The following SEL1L variants were observed in gnomAD, a reference collection of about 807,000 sequenced individuals.
SEL1L encodes the protein protein sel-1 homolog 1.
A neutral mutation model predicts 109.8 loss-of-function variants in SEL1L; 52 were observed. That is an observed-to-expected ratio of 0.47 (90% confidence interval 0.38 to 0.60). SEL1L has a LOEUF of 0.60. Among genes scored for constraint, SEL1L ranks in the 20% least tolerant of loss-of-function variants. The pLI is 0.00. For synonymous variants in SEL1L, 373 were observed against 339.6 expected, an observed-to-expected ratio of 1.10 and a Z score of -1.08; for missense variants, 749 against 962.2, an observed-to-expected ratio of 0.78 and a Z score of 2.93.
chr14:81,533,803 G>A lies in SEL1L; in HGVS notation c.-59C>T, dbSNP rs1374687257. 2.0e-6 allele frequency: 3 copies of A among 1,534,014 alleles called. No individual in the cohort carries two copies. Among genetic ancestry groups the A allele is most frequent in the African/African-American group, 1.4e-5 (1 of 73,386 alleles). On this transcript the variant is annotated 5_prime_UTR_variant, in exon 1 of 21. Transcript: ENST00000336735. ...TGTCGCCTTCGCCTCTGCCACCACG[G>A]ACTCAGCCACCACCGCCGCCTCGCC...
chr14:81,521,519 G>A (rs1207739192), intron 3 of SEL1L, among the ~76,000 whole-genome samples: 1 of 152,226 alleles, frequency 6.6e-6, no homozygotes, highest in Non-Finnish European at 1.5e-5. Context: ...ATGACAGACT[G>A]TGTATACCAT....
intron 1 of SEL1L, among the ~76,000 whole-genome samples, chr14:81,532,694 T>C (rs1195091890): frequency 6.6e-6 from 1 of 152,106 alleles, no homozygotes; most frequent in African/African-American, 2.4e-5. Context: ...GGGATTCAGA[T>C]AACCATCTGG....
intron 6 of SEL1L, among the ~76,000 whole-genome samples, chr14:81,500,477 C>T (rs943537574): frequency 2.0e-5 from 3 of 152,100 alleles, no homozygotes; most frequent in Non-Finnish European, 4.4e-5. Context: ...ACCTTGTGAT[C>T]TGCCTGCCTT....
Position 81,472,362 on chromosome 14 carries a change from C to T in SEL1L, c.*4610G>A, listed in dbSNP as rs41317312. The stretch of plus-strand genomic sequence containing the variant: ...GTTTGCATCATGTAGGCTTTTTATC[C>T]AAGATCCAATGCTTCTGAGCTGGAA... On this transcript the variant is annotated 3_prime_UTR_variant, in exon 21 of 21. Transcript: ENST00000336735. 3,008 of 206,712 alleles carry T rather than the reference C, an allele frequency of 0.015. 36 individuals are homozygous for T. Among genetic ancestry groups the T allele is most frequent in the Non-Finnish European group, 0.022 (2,231 of 100,648 alleles). 12.8% of individuals were successfully genotyped at this position (206,712 alleles called of 1,614,324 possible). A position where few individuals can be genotyped will look rare whatever the true frequency, so the allele number is the denominator to read the frequency against.
intron 20 of SEL1L, chr14:81,479,381 G>A (rs1196490784): frequency 3.2e-6 from 1 of 310,260 alleles, no homozygotes; most frequent in African/African-American, 2.2e-5. Context: ...CATGAAAAAT[G>A]CTTTAGCGTC....
chr14:81,479,818 T>G, intron 19 of SEL1L, 78 bp from the exon 20 acceptor site: 1 of 1,266,344 alleles, frequency 7.9e-7, no homozygotes, highest in Non-Finnish European at 1.1e-6. Flanking sequence ...TTAGACGAAT[T>G]TATTTTACCT....
intron 3 of SEL1L, among the ~76,000 whole-genome samples, chr14:81,515,376 C>T (rs1468716187): frequency 6.6e-6 from 1 of 152,232 alleles, no homozygotes; most frequent in Non-Finnish European, 1.5e-5. Flanking sequence ...AGATCAAACC[C>T]TGGCCTTTAA....
At chr14:81,485,648 C>T (rs780800100) in intron 18 of SEL1L, 24 bp downstream of exon 18, 1 of 1,601,566 alleles carries the variant, frequency 6.2e-7, no homozygotes, top group South Asian at 1.1e-5. Flanking sequence ...GGGTGAAACT[C>T]TTATCTTAGA....
chr14:81,526,637 A>G (rs1180266054), intron 3 of SEL1L, 96 bp downstream of exon 3: 1 of 871,616 alleles, frequency 1.1e-6, no homozygotes. Context: ...GGTAATAATC[A>G]GTGAAGCCAG....
At chr14:81,524,329 C>T (rs1885031067) in intron 3 of SEL1L, among the ~76,000 whole-genome samples, 1 of 152,164 alleles carries the variant, frequency 6.6e-6, no homozygotes, top group Non-Finnish European at 1.5e-5. Context: ...AAATCAGACA[C>T]TACATGTCTC....
chr14:81,533,093 AACTCAGAAAC>A (rs1885397703), intron 1 of SEL1L, among the ~76,000 whole-genome samples: 1 of 152,218 alleles, frequency 6.6e-6, no homozygotes, highest in South Asian at 2.1e-4. Context: ...AACATGGGGC[AACTCAGAAAC>A]ACTGTGACAG....
chr14:81,515,118 G>A (rs533038303), intron 3 of SEL1L, among the ~76,000 whole-genome samples: 8 of 152,180 alleles, frequency 5.3e-5, no homozygotes, highest in African/African-American at 1.9e-4. Context: ...CCCCTGCCCA[G>A]AAGGAAACAA....
At chr14:81,482,058 T>C (rs1338232545) in intron 19 of SEL1L, among the ~76,000 whole-genome samples, 1 of 151,998 alleles carries the variant, frequency 6.6e-6, no homozygotes, top group African/African-American at 2.4e-5. Flanking sequence ...GTAATGGAGT[T>C]ACTGATTTTC....
intron 20 of SEL1L, among the ~76,000 whole-genome samples, chr14:81,477,395 GCTA>G (rs1903198651): frequency 6.6e-6 from 1 of 151,714 alleles, no homozygotes; most frequent in East Asian, 1.9e-4. Context: ...GAGGAATTAA[GCTA>G]CTAATTTATA....
chr14:81,508,320 G>C (rs528151605), intron 3 of SEL1L, among the ~76,000 whole-genome samples: 3 of 152,182 alleles, frequency 2.0e-5, no homozygotes, highest in African/African-American at 7.2e-5. Context: ...TTTAAAGAAA[G>C]GATCTCTAAT....
rs1320127919 is a variant in SEL1L, at chr14:81,495,071, G to C, written c.1185+10C>G. 6.2e-7 allele frequency: 1 copy of C among 1,612,970 alleles called. No individual in the cohort carries two copies. Among genetic ancestry groups the C allele is most frequent in the African/African-American group, 1.3e-5 (1 of 74,882 alleles). On this transcript the variant is annotated intron_variant, in intron 11 of 20. Transcript: ENST00000336735. ...ACTGAGATGCAAAGCCCTAGGAACA[G>C]GGTAGTTACCTGATGATTCTGTTCT...
intron 3 of SEL1L, among the ~76,000 whole-genome samples, chr14:81,524,022 G>C (rs1254344768): frequency 2.6e-5 from 4 of 152,166 alleles, no homozygotes; most frequent in Non-Finnish European, 1.5e-5. Flanking sequence ...TTTCACAACA[G>C]TGCAAAGGAA....
At chr14:81,480,328 T>A (rs976421673) in intron 19 of SEL1L, among the ~76,000 whole-genome samples, 2 of 152,172 alleles carry the variant, frequency 1.3e-5, no homozygotes, top group African/African-American at 4.8e-5. Context: ...TAGCTGGGAC[T>A]ACAGGTGCCT....
intron 10 of SEL1L, among the ~76,000 whole-genome samples, chr14:81,496,712 A>G (rs1276152366): frequency 6.6e-6 from 1 of 152,228 alleles, no homozygotes; most frequent in African/African-American, 2.4e-5. Flanking sequence ...TGGGCAACAG[A>G]GCAAGGATCT....
Sources: allele counts gnomAD v4.1 joint callset (sites outside exome capture counted in the v4.1 genomes callset), GRCh38; gene constraint gnomAD v4.1.1; transcripts MANE v1.5; gene names NCBI Gene and HGNC (gene_info 2026-07-23, HGNC 2026-07-21).